FHOD3: variants seen among roughly 807,000 people sequenced by gnomAD.
FHOD3 encodes formin homology 2 domain containing 3.
FHOD3 carries 90 observed loss-of-function variants against 173.0 expected under a neutral mutation model. The ratio of observed to expected loss-of-function variants is 0.52; its 90% CI spans 0.44 to 0.62. The LOEUF is 0.62. FHOD3 is among the 20% of genes least tolerant of loss of function. The pLI is 0.00. For missense variants in FHOD3, 1,945 were observed against 2,034.7 expected (o/e 0.96, Z 0.85); for synonymous variants, 828 against 823.0 (o/e 1.01, Z -0.10).
intron 5 of FHOD3, among the ~76,000 whole-genome samples, chr18:36,532,406 A>G (rs927834525): frequency 3.3e-5 from 5 of 152,166 alleles, no homozygotes; most frequent in African/African-American, 9.6e-5. Context: ...AGGGACATCC[A>G]TAGTGGCTTC....
intron 14 of FHOD3, among the ~76,000 whole-genome samples, chr18:36,679,506 T>A (rs1027755613): frequency 5.3e-5 from 8 of 152,152 alleles, no homozygotes; most frequent in Non-Finnish European, 1.0e-4. Context: ...CTCTTTCTTT[T>A]CTTCTAATAT....
At chr18:36,465,857 A>G (rs2052886404) in intron 3 of FHOD3, among the ~76,000 whole-genome samples, 2 of 151,992 alleles carry the variant, frequency 1.3e-5, no homozygotes, top group African/African-American at 4.8e-5. Context: ...ATCCTTCTAA[A>G]TTACATTAAC....
chr18:36,516,981 C>T (rs2056020911), intron 5 of FHOD3, among the ~76,000 whole-genome samples: 2 of 150,894 alleles, frequency 1.3e-5, no homozygotes, highest in African/African-American at 4.9e-5. Flanking sequence ...ACACAGCCCC[C>T]TCTCAGCATT....
At chr18:36,505,940 G>A (rs2055276532) in intron 4 of FHOD3, among the ~76,000 whole-genome samples, 1 of 152,114 alleles carries the variant, frequency 6.6e-6, no homozygotes, top group Non-Finnish European at 1.5e-5. Context: ...TTAAAAGAGT[G>A]CATTTCTTAC....
chr18:36,706,915 G>A (rs371405074), intron 17 of FHOD3, among the ~76,000 whole-genome samples: 4 of 152,182 alleles, frequency 2.6e-5, no homozygotes, highest in Non-Finnish European at 5.9e-5. Flanking sequence ...AAATGATGAC[G>A]CTGCCGCTGC....
chr18:36,473,895 T>A (rs2053419713), intron 3 of FHOD3, among the ~76,000 whole-genome samples: 1 of 152,224 alleles, frequency 6.6e-6, no homozygotes, highest in Admixed American at 6.5e-5. Flanking sequence ...TGAACACACT[T>A]TTTGGGAAGC....
intron 20 of FHOD3, among the ~76,000 whole-genome samples, chr18:36,731,047 C>T (rs1418466116): frequency 6.6e-6 from 1 of 152,122 alleles, no homozygotes; most frequent in Non-Finnish European, 1.5e-5. Context: ...ATTCTGCCTA[C>T]CTCAAAATGG....
intron 5 of FHOD3, among the ~76,000 whole-genome samples, chr18:36,521,236 A>T (rs867813250): frequency 6.6e-6 from 1 of 151,990 alleles, no homozygotes; most frequent in Non-Finnish European, 1.5e-5. Context: ...CGCCTTTTCT[A>T]ACCCTGTGAT....
chr18:36,767,943 G>A (rs2043211301), intron 27 of FHOD3, among the ~76,000 whole-genome samples: 1 of 151,832 alleles, frequency 6.6e-6, no homozygotes, highest in Admixed American at 6.6e-5. Context: ...GTGGTTGTAA[G>A]CACCAAAACT....
intron 28 of FHOD3, 148 bp downstream of exon 28, chr18:36,769,574 AGG>A: frequency 1.8e-6 from 2 of 1,139,502 alleles, no homozygotes; most frequent in Admixed American, 5.6e-5. Flanking sequence ...AGAAAGTTTC[AGG>A]GTTGGCTGTT....
At chr18:36,452,914 A>C (rs530085783) in intron 3 of FHOD3, among the ~76,000 whole-genome samples, 1 of 152,000 alleles carries the variant, frequency 6.6e-6, no homozygotes, top group African/African-American at 2.4e-5. Context: ...TTCTCTATCC[A>C]TTCACCCATT....
rs372396096 is a variant in FHOD3 at position 36,693,384 on chromosome 18, G to A, written c.2197G>A (p.Val733Met). ...SSSDSQEALT[V>M]SASSPGTPHH... Reference sequence around the variant, plus strand: ...TTCAGACTCTCAAGAGGCTCTCACGGTGTCTGCCTCCTCCCCAGGAACCCC... The same window carrying A: ...TTCAGACTCTCAAGAGGCTCTCACGATGTCTGCCTCCTCCCCAGGAACCCC... Residue 733 changes from valine (V) to methionine (M), a missense_variant, in exon 17 of 29, where the codon GTG (valine) becomes ATG (methionine). Physicochemically the swap from Val to Met is conservative, Grantham distance 21. Transcript: ENST00000590592. 3.7e-5 allele frequency: 60 copies of A among 1,613,710 alleles called. No homozygotes were observed. Among genetic ancestry groups the A allele is most frequent in the Non-Finnish European group, 5.0e-5 (59 of 1,179,862 alleles).
intron 5 of FHOD3, among the ~76,000 whole-genome samples, chr18:36,561,574 T>C (rs916628086): frequency 3.3e-5 from 5 of 152,240 alleles, no homozygotes; most frequent in Non-Finnish European, 7.3e-5. Flanking sequence ...GGATATATCA[T>C]AAAAACACGT....
chr18:36,359,577 T>C (rs1193828723), intron 2 of FHOD3, among the ~76,000 whole-genome samples: 5 of 152,178 alleles, frequency 3.3e-5, no homozygotes, highest in Admixed American at 6.5e-5. Context: ...ATGAGGACAC[T>C]TGTAACATTT....
At chr18:36,372,365 C>T (rs2047232950) in intron 2 of FHOD3, among the ~76,000 whole-genome samples, 1 of 152,210 alleles carries the variant, frequency 6.6e-6, no homozygotes, top group Non-Finnish European at 1.5e-5. Flanking sequence ...AATTTCACTT[C>T]ATGGACACAG....
chr18:36,498,911 A>G (rs73947192), intron 3 of FHOD3, among the ~76,000 whole-genome samples: 1,666 of 152,332 alleles, frequency 0.011, 29 homozygotes, highest in African/African-American at 0.038. Flanking sequence ...CTTAATGATC[A>G]GAACACAACT....
At chr18:36,497,032 C>A (rs958023458) in intron 3 of FHOD3, among the ~76,000 whole-genome samples, 2 of 152,158 alleles carry the variant, frequency 1.3e-5, no homozygotes, top group Non-Finnish European at 2.9e-5. Flanking sequence ...ACAAAACTTA[C>A]ATTAACATTT....
At chr18:36,355,004 G>A (rs2046294302) in intron 1 of FHOD3, among the ~76,000 whole-genome samples, 1 of 152,044 alleles carries the variant, frequency 6.6e-6, no homozygotes, top group African/African-American at 2.4e-5. Context: ...GTTGTAATTT[G>A]GGTATATTGC....
intron 3 of FHOD3, among the ~76,000 whole-genome samples, chr18:36,411,362 A>G (rs1295004522): frequency 6.6e-6 from 1 of 152,222 alleles, no homozygotes; most frequent in Admixed American, 6.5e-5. Flanking sequence ...AAATTATCAA[A>G]ATAATGTAAT....
Sources: allele counts gnomAD v4.1 joint callset (sites outside exome capture counted in the v4.1 genomes callset), GRCh38; gene constraint gnomAD v4.1.1; transcripts MANE v1.5; gene names NCBI Gene and HGNC (gene_info 2026-07-23, HGNC 2026-07-21).